Variants in SMAD3 observed in about 807,000 individuals in gnomAD.
SMAD3 encodes SMAD family member 3, also known as MAD homolog 3.
SMAD3 carries 12 observed loss-of-function variants against 51.8 expected under a neutral mutation model. That is an observed-to-expected ratio of 0.23 (90% CI 0.15 to 0.38). The LOEUF (loss-of-function observed/expected upper bound fraction) is 0.38, where lower values mean the gene tolerates loss of function less well. Ranked by LOEUF, SMAD3 falls within the 10% of genes least tolerant of loss-of-function variation. The pLI, the probability that SMAD3 is intolerant of heterozygous loss-of-function variation, is 1.00. For missense variants in SMAD3, 294 were observed against 565.6 expected, an observed-to-expected ratio of 0.52 and a Z score of 4.87; for synonymous variants, 238 against 227.7, an observed-to-expected ratio of 1.05 and a Z score of -0.41.
At chr15:67,106,395 A>G (rs1960877653) in intron 1 of SMAD3, among the ~76,000 whole-genome samples, 1 of 152,032 alleles carries the variant, frequency 6.6e-6, no homozygotes, top group Admixed American at 6.6e-5. Flanking sequence ...TTGTCCCCAT[A>G]GTTTTCAGCT....
At chr15:67,182,998 A>ATATATATAT (rs1444218521) in intron 6 of SMAD3, among the ~76,000 whole-genome samples, 6 of 49,056 alleles carry the variant, frequency 1.2e-4, no homozygotes, top group Admixed American at 3.3e-4. Context: ...AAAAAAAAAA[A>ATATATATAT]AAATATATAT....
At chr15:67,102,541 T>C (rs956661575) in intron 1 of SMAD3, among the ~76,000 whole-genome samples, 1 of 152,142 alleles carries the variant, frequency 6.6e-6, no homozygotes, top group African/African-American at 2.4e-5. Context: ...TCTGTGGGAA[T>C]TGTATGTCCA....
chr15:67,066,350 A>C lies in SMAD3; in HGVS notation c.196A>C (p.Thr66Pro). The C allele has an allele frequency of 6.2e-7, 1 of 1,611,916 alleles. No homozygotes were observed. The highest frequency in any genetic ancestry group is 1.7e-4 in the Middle Eastern group (1 of 6,000). ...TTQNVNTKCI[T>P]IPRSLDGRLQ... is the part of the protein sequence containing the mutation. ...GCAGAACGTCAACACCAAGTGCATC[A>C]CCATCCCCAGGTGGGGGCCCGCCCG... The change falls in exon 1 of 9, where the codon ACC becomes CCC. Residue 66 changes from threonine (T) to proline (P), a missense_variant. Transcript: ENST00000327367.
chr15:67,176,510 T>C (rs1375829513), intron 5 of SMAD3, among the ~76,000 whole-genome samples: 2 of 152,244 alleles, frequency 1.3e-5, no homozygotes, highest in Non-Finnish European at 2.9e-5. Context: ...TTTCGATTTA[T>C]AGGAGAAAGT....
intron 1 of SMAD3, among the ~76,000 whole-genome samples, chr15:67,087,306 C>T (rs2083194): frequency 0.55 from 83,079 of 152,014 alleles, 22,928 homozygotes; most frequent in South Asian, 0.73. Flanking sequence ...TTCAGGAATA[C>T]ACTTTCCTCT....
At chr15:67,092,633 G>A (rs1036896702) in intron 1 of SMAD3, among the ~76,000 whole-genome samples, 1 of 152,224 alleles carries the variant, frequency 6.6e-6, no homozygotes, top group Non-Finnish European at 1.5e-5. Flanking sequence ...CTGGGGGCAG[G>A]ATACTGAGGA....
Position 67,136,860 on chromosome 15 carries a change from G to C in SMAD3, c.207-28035G>C, listed in dbSNP as rs1449766950. Among the ~76,000 whole-genome samples, 4 of 152,346 alleles carry C rather than the reference G, an allele frequency of 2.6e-5. No individual in the cohort carries two copies. In the East Asian group the frequency reaches 5.8e-4, roughly 22 times the overall value. On this transcript the variant is annotated intron_variant, in intron 1 of 8. Coordinates refer to ENST00000327367, the MANE Select transcript of SMAD3 (RefSeq NM_005902.4). ...AGATCCCTGGGCTTCTCCAGGTGGG[G>C]AGTGGTACCATGGTCTCTTCAGGTT...
chr15:67,186,142 C>T (rs1963217228), intron 7 of SMAD3, among the ~76,000 whole-genome samples: 1 of 152,332 alleles, frequency 6.6e-6, no homozygotes, highest in East Asian at 1.9e-4. Context: ...CAGCCACCTG[C>T]CCAAGCGCAC....
intron 1 of SMAD3, among the ~76,000 whole-genome samples, chr15:67,143,480 G>A (rs1961888424): frequency 6.6e-6 from 1 of 152,184 alleles, no homozygotes; most frequent in Non-Finnish European, 1.5e-5. Context: ...TGTAGCCCAG[G>A]CTGGAGTACA....
intron 1 of SMAD3, among the ~76,000 whole-genome samples, chr15:67,139,774 C>G (rs1961768511): frequency 6.6e-6 from 1 of 152,160 alleles, no homozygotes. Context: ...ATTAGCATAT[C>G]TGCTGTCACC....
chr15:67,159,779 A>G (rs1275240034), intron 1 of SMAD3, among the ~76,000 whole-genome samples: 8 of 152,242 alleles, frequency 5.3e-5, no homozygotes, highest in Non-Finnish European at 4.4e-5. Context: ...ATAATTTTAC[A>G]CGAACAGAAT....
intron 1 of SMAD3, among the ~76,000 whole-genome samples, chr15:67,084,165 T>C (rs538541191): frequency 1.5e-5 from 2 of 137,570 alleles, no homozygotes; most frequent in East Asian, 2.5e-4. Context: ...AAGCTCTGCC[T>C]CCGGGGTTCA....
intron 1 of SMAD3, among the ~76,000 whole-genome samples, chr15:67,130,933 AG>A (rs1377720635): frequency 2.0e-5 from 3 of 152,234 alleles, no homozygotes. Context: ...CAGCAATTGC[AG>A]AGGCCAGAGA....
At chr15:67,178,796 C>T (rs1051489887) in intron 5 of SMAD3, among the ~76,000 whole-genome samples, 3 of 152,256 alleles carry the variant, frequency 2.0e-5, no homozygotes, top group East Asian at 1.9e-4. Flanking sequence ...ACGTGGCTGA[C>T]GTGGCTCAGC....
intron 1 of SMAD3, among the ~76,000 whole-genome samples, chr15:67,149,266 A>G (rs1205303170): frequency 1.3e-5 from 2 of 152,156 alleles, no homozygotes; most frequent in African/African-American, 4.8e-5. Flanking sequence ...GGGCCTGTTC[A>G]GCATTTTGAG....
intron 1 of SMAD3, among the ~76,000 whole-genome samples, chr15:67,150,844 A>T (rs1189414527): frequency 1.3e-3 from 20 of 15,238 alleles, no homozygotes; most frequent in Non-Finnish European, 2.0e-3. Flanking sequence ...GCTATTTCTC[A>T]GTCTTTTTTT....
intron 1 of SMAD3, among the ~76,000 whole-genome samples, chr15:67,107,677 C>G (rs542840964): frequency 2.4e-4 from 36 of 152,328 alleles, no homozygotes; most frequent in African/African-American, 8.4e-4. Context: ...CTCCCTCTGT[C>G]CCTCCACTTC....
intron 1 of SMAD3, among the ~76,000 whole-genome samples, chr15:67,163,928 C>A (rs4776901): frequency 7.3e-6 from 1 of 137,164 alleles, no homozygotes; most frequent in Admixed American, 7.5e-5. Context: ...GACAGAGCAA[C>A]ACCCTGTATC....
Position 67,190,938 on chromosome 15 carries a change from C to T in SMAD3, c.*402C>T, listed in dbSNP as rs8025774. On this transcript the variant is annotated 3_prime_UTR_variant, in exon 9 of 9. Coordinates refer to ENST00000327367, the MANE Select transcript of SMAD3 (RefSeq NM_005902.4). ...CAGTGTGGAGTTCACCTTGGAAGGG[C>T]GTTCTAGGTAGGAAGAGCCCGCAGG... The T allele has an allele frequency of 0.23, 65,985 of 292,476 alleles. 9,093 individuals are homozygous for T. Among genetic ancestry groups the T allele is most frequent in the East Asian group, 0.47 (9,567 of 20,378 alleles). The allele number at this position is 292,476 out of a possible 1,614,324, so 18.1% of individuals were successfully genotyped here. A position where few individuals can be genotyped will look rare whatever the true frequency, so the allele number is the denominator to read the frequency against.
Sources: gnomAD v4.1 joint callset for allele counts (sites outside exome capture counted in the v4.1 genomes callset) on GRCh38, gnomAD v4.1.1 for gene constraint, MANE v1.5 for transcripts, NCBI Gene and HGNC (gene_info 2026-07-23, HGNC 2026-07-21) for gene names.